AKAP9: variants seen among roughly 807,000 people sequenced by gnomAD.
AKAP9 encodes the protein A-kinase anchoring protein 9, also known as A-kinase anchor protein 9.
Under a neutral mutation model 488.5 loss-of-function variants are expected in AKAP9, and 311 were observed. That is an observed-to-expected ratio of 0.64 (90% confidence interval 0.58 to 0.70). AKAP9 has a LOEUF of 0.70. Among genes scored for constraint, AKAP9 ranks in the 30% least tolerant of loss-of-function variants. AKAP9 has a pLI of 0.00. For missense variants in AKAP9, 4,215 were observed against 4,374.5 expected (o/e 0.96, Z 1.03); for synonymous variants, 1,462 against 1,483.5 (o/e 0.99, Z 0.33).
intron 8 of AKAP9, 73 bp downstream of exon 8, chr7:92,003,308 A>G (rs1277135032): frequency 5.2e-6 from 6 of 1,160,740 alleles, no homozygotes; most frequent in Admixed American, 1.8e-5. Flanking sequence ...TTTCACCTTC[A>G]TAGAACATAA....
Position 92,042,036 on chromosome 7 carries a change from T to C in AKAP9, c.4918-10T>C. ...AACAGTATTCTTTCATGACCTTTTT[T>C]CTTATTTAGAGATCCTCCATAGATA... On this transcript the variant is annotated splice_polypyrimidine_tract_variant and intron_variant, in intron 18 of 49. Transcript: ENST00000356239. 1.9e-6 allele frequency: 3 copies of C among 1,613,444 alleles called. No homozygotes were observed. The highest frequency in any genetic ancestry group is 2.5e-6 in the Non-Finnish European group (3 of 1,179,642).
At chr7:91,949,548 G>C (rs1361654624) in intron 1 of AKAP9, among the ~76,000 whole-genome samples, 3 of 152,116 alleles carry the variant, frequency 2.0e-5, no homozygotes, top group African/African-American at 7.2e-5. Context: ...TTAAACATGG[G>C]GGATCTGTAG....
At position 91,941,882 on chromosome 7, in the gene AKAP9, TTGTG is replaced by T. The variant is rs10700954; in HGVS notation, c.48+762_48+765del. Among the ~76,000 whole-genome samples, 562 of 147,842 alleles carry T rather than the reference TTGTG, an allele frequency of 3.8e-3. 2 individuals carry two copies. Among genetic ancestry groups the T allele is most frequent in the Middle Eastern group, 0.014 (4 of 290 alleles). ...TATATATCTCTCTGGCGAATCCTGG[TTGTG>T]TGTGTGTGTGTGTGTGTGTGTGTGT... On this transcript the variant is annotated intron_variant, in intron 1 of 49. Transcript: ENST00000356239.
intron 1 of AKAP9, among the ~76,000 whole-genome samples, chr7:91,941,456 C>T (rs1056122091): frequency 5.9e-5 from 9 of 152,168 alleles, no homozygotes; most frequent in African/African-American, 2.2e-4. Flanking sequence ...TGCTTCTAAA[C>T]CTCCGATCTT....
chr7:92,097,158 A>C lies in AKAP9; in HGVS notation c.10199A>C (p.Glu3400Ala). The change falls in exon 41 of 50, where the codon GAG becomes GCG. Residue 3400 changes from glutamate to alanine, a missense_variant. This residue lies in a region of AKAP9 where 1,476 missense variants were observed against 1,477.4 expected (regional missense o/e 1.00). Coordinates refer to ENST00000356239, the MANE Select transcript of AKAP9 (RefSeq NM_005751.5). ...CAGACAGAACAGGAGGCCAACACTG[A>C]GGGACAGAAAAAAATGCATGAGCTC... ...TLQTEQEANT[E>A]GQKKMHELQS... The C allele has an allele frequency of 6.2e-7, 1 of 1,614,100 alleles. No individual in the cohort carries two copies. The highest frequency in any genetic ancestry group is 8.5e-7 in the Non-Finnish European group (1 of 1,179,998).
rs537099180 is a variant in AKAP9, at chr7:92,002,415, A to C, written c.2498A>C (p.Lys833Thr). Residue 833 changes from lysine to threonine, a missense_variant, in exon 8 of 50, where the codon AAA (lysine) becomes ACA (threonine). Physicochemically the swap from Lys to Thr is moderately conservative, Grantham distance 78. Around this residue, in one of 5 missense-constraint regions of AKAP9, gnomAD observed 2,361 missense variants for 2,430.0 expected, o/e 0.97. Transcript: ENST00000356239. ...CTTATAGAGGAAAATGAGGACCTCAAACAACAATGTATTCAGCTAAATGAA... is the reference window on the plus strand; with the variant it reads ...CTTATAGAGGAAAATGAGGACCTCACACAACAATGTATTCAGCTAAATGAA... ...EILIEENEDL[K>T]QQCIQLNEEI... The C allele has an allele frequency of 6.2e-7, 1 of 1,609,988 alleles. No individual in the cohort carries two copies. The highest frequency in any genetic ancestry group is 1.3e-5 in the African/African-American group (1 of 74,638).
chr7:92,051,178 A>G (rs1159748012), intron 21 of AKAP9, among the ~76,000 whole-genome samples: 2 of 152,194 alleles, frequency 1.3e-5, no homozygotes, highest in South Asian at 2.1e-4. Context: ...TAGCTCTCTC[A>G]CCTACCTCAC....
rs771949404 is a variant in AKAP9 at position 92,012,486 on chromosome 7, A to C, written c.3376A>C (p.Thr1126Pro). 1.9e-6 allele frequency: 3 copies of C among 1,614,094 alleles called. No individual in the cohort carries two copies. In the South Asian group the frequency reaches 3.3e-5, roughly 18 times the overall value. ...QRICLSLVYS[T>P]HVDQVREYME... ...CATTTGCCTCTCTCTGGTTTATTCA[A>C]CTCATGTGGATCAGGTTCGTGAATA... The change falls in exon 9 of 50, where the codon ACT (threonine) becomes CCT (proline). Residue 1126 changes from threonine to proline, a missense_variant. By Grantham distance (38) the Thr-to-Pro change is conservative. Around this residue, in one of 5 missense-constraint regions of AKAP9, gnomAD observed 2,361 missense variants for 2,430.0 expected, o/e 0.97. Coordinates refer to ENST00000356239, the MANE Select transcript of AKAP9 (RefSeq NM_005751.5).
At chr7:92,071,552 A>G (rs1352272951) in intron 28 of AKAP9, among the ~76,000 whole-genome samples, 1 of 152,098 alleles carries the variant, frequency 6.6e-6, no homozygotes, top group Non-Finnish European at 1.5e-5. Flanking sequence ...TTCTTCCAAA[A>G]AACTAAAAAT....
At chr7:91,961,332 G>C (rs58413301) in intron 1 of AKAP9, among the ~76,000 whole-genome samples, 62,414 of 150,738 alleles carry the variant, frequency 0.41, 13,362 homozygotes, top group African/African-American at 0.51. Context: ...GCGCCTACCA[G>C]CACACCCAGC....
chr7:91,957,800 A>G (rs1226131201), intron 1 of AKAP9, among the ~76,000 whole-genome samples: 2 of 152,216 alleles, frequency 1.3e-5, no homozygotes, highest in Admixed American at 1.3e-4. Flanking sequence ...CTAACACTTC[A>G]AATTTTGTAA....
In AKAP9 at chr7:92,038,437, A is replaced by G; in HGVS notation, c.4357A>G (p.Ile1453Val). ...TCTTTAGGTTATTGTGTCAATGAGT[A>G]TAGCATTTGCTCAACAAACTGAACT... ...EVAKVIVSMS[I>V]AFAQQTELSR... Residue 1453 changes from isoleucine (I) to valine (V), a missense_variant, in exon 17 of 50, where the codon ATA (isoleucine) becomes GTA (valine). By Grantham distance (29) the Ile-to-Val change is conservative. Coordinates refer to ENST00000356239, the MANE Select transcript of AKAP9 (RefSeq NM_005751.5). The G allele has an allele frequency of 1.2e-6, 2 of 1,613,040 alleles. No homozygotes were observed. The highest frequency in any genetic ancestry group is 1.7e-6 in the Non-Finnish European group (2 of 1,179,104).
At position 92,070,206 on chromosome 7, in the gene AKAP9, G is replaced by A. The variant is rs776893999; in HGVS notation, c.6507G>A (p.Lys2169=). 5.0e-6 allele frequency: 8 copies of A among 1,613,746 alleles called. No individual in the cohort carries two copies. The highest frequency in any genetic ancestry group is 6.8e-6 in the Non-Finnish European group (8 of 1,179,892). Residue 2169 remains lysine, a splice_region_variant and synonymous_variant, in exon 27 of 50, where the codon AAG becomes AAA. Transcript: ENST00000356239. ...TTGTGAGTGCAGATACTTTTCAAAA[G>A]GTGTGGCATTTTATTTGGGCTAACT... The part of the protein sequence containing the change: ...ALLVSADTFQ[K]VEDRKHFGAV...
At position 91,962,981 on chromosome 7, in the gene AKAP9, TA is replaced by T. The variant is rs367849169; in HGVS notation, c.49-10727del. On this transcript the variant is annotated intron_variant, in intron 1 of 49. Transcript: ENST00000356239. ...CTTTGCCCTGATATATTTTGCTGTC[TA>T]AATGTATTTTCTAATGCAGACAATG... Among the ~76,000 whole-genome samples, 426 of 152,324 alleles carry T rather than the reference TA, an allele frequency of 2.8e-3. 3 individuals carry two copies. Among genetic ancestry groups the T allele is most frequent in the African/African-American group, 9.8e-3 (406 of 41,566 alleles).
chr7:92,061,976 C>T (rs1344308864), intron 23 of AKAP9, among the ~76,000 whole-genome samples: 2 of 152,076 alleles, frequency 1.3e-5, no homozygotes, highest in Non-Finnish European at 1.5e-5. Context: ...CTGTTTATAT[C>T]TGTTTAATAA....
intron 36 of AKAP9, 131 bp from the exon 37 acceptor site, chr7:92,086,097 A>T (rs1814511077): frequency 4.8e-6 from 4 of 827,308 alleles, no homozygotes; most frequent in Non-Finnish European, 7.4e-6. Context: ...CAAAAAGAAA[A>T]AAATAAATAA....
At chr7:92,104,433 C>T (rs1357257381) in intron 46 of AKAP9, among the ~76,000 whole-genome samples, 4 of 151,974 alleles carry the variant, frequency 2.6e-5, no homozygotes, top group Admixed American at 1.3e-4. Flanking sequence ...CCTCATGATC[C>T]GCCCGCCTCG....
At chr7:92,005,326 G>A (rs1159972463) in intron 8 of AKAP9, among the ~76,000 whole-genome samples, 1 of 152,176 alleles carries the variant, frequency 6.6e-6, no homozygotes, top group South Asian at 2.1e-4. Context: ...TCTCTAGGAG[G>A]AATTGACATT....
At chr7:92,030,640 CA>C (rs60461811) in intron 15 of AKAP9, among the ~76,000 whole-genome samples, 4,649 of 48,986 alleles carry the variant, frequency 0.095, 88 homozygotes, top group African/African-American at 0.2. Context: ...AGACTGTCGC[CA>C]AAAAAAAAAA....
Sources: gnomAD v4.1 joint callset for allele counts (sites outside exome capture counted in the v4.1 genomes callset) on GRCh38, gnomAD v4.1.1 for gene constraint, gnomAD v4.1.1 regional missense constraint, MANE v1.5 for transcripts, NCBI Gene and HGNC (gene_info 2026-07-23, HGNC 2026-07-21) for gene names.